The following ERICH6B variants were observed in gnomAD, a reference collection of about 807,000 sequenced individuals.
The protein encoded by ERICH6B is glutamate-rich protein 6B.
A neutral mutation model predicts 80.0 loss-of-function variants in ERICH6B; 69 were observed. The ratio of observed to expected loss-of-function variants is 0.86; its 90% CI spans 0.71 to 1.05. The LOEUF is 1.05. Among genes scored for constraint, ERICH6B ranks in the 50% least tolerant of loss-of-function variants. The pLI is 0.00. For missense variants in ERICH6B, 754 were observed against 796.1 expected (o/e 0.95, Z 0.64); for synonymous variants, 283 against 291.9 (o/e 0.97, Z 0.31).
At position 45,572,309 on chromosome 13, in the gene ERICH6B, A is replaced by G. The variant is rs142478450; in HGVS notation, c.1050+2533T>C. ...GCTTTCCCATGTGTTCATCTGTACCACTACATATTACTAATCTTCCTGCCC... is the reference window on the plus strand; with the variant it reads ...GCTTTCCCATGTGTTCATCTGTACCGCTACATATTACTAATCTTCCTGCCC... On this transcript the variant is annotated intron_variant, in intron 8 of 14. Coordinates refer to ENST00000298738, the MANE Select transcript of ERICH6B (RefSeq NM_182542.3). 7.4e-3 allele frequency among the ~76,000 whole-genome samples: 1,131 copies of G among 152,262 alleles called. 14 individuals carry two copies. The highest frequency in any genetic ancestry group is 0.025 in the African/African-American group (1,053 of 41,532).
chr13:45,543,884 C>T (rs1445129483), intron 14 of ERICH6B, among the ~76,000 whole-genome samples: 3 of 152,088 alleles, frequency 2.0e-5, no homozygotes, highest in Non-Finnish European at 2.9e-5. Flanking sequence ...GACACAGACT[C>T]CCCCTTGTTT....
At chr13:45,607,098 C>A (rs952340858) in intron 2 of ERICH6B, among the ~76,000 whole-genome samples, 2 of 152,140 alleles carry the variant, frequency 1.3e-5, no homozygotes, top group Admixed American at 6.5e-5. Flanking sequence ...AGTATTTCTG[C>A]AGCAAACATG....
At chr13:45,573,774 A>G (rs1181539722) in intron 8 of ERICH6B, among the ~76,000 whole-genome samples, 1 of 152,218 alleles carries the variant, frequency 6.6e-6, no homozygotes, top group East Asian at 1.9e-4. Context: ...GCCACCTGAT[A>G]TAGCAAAACA....
chr13:45,615,565 A>G (rs139266566), intron 1 of ERICH6B, 120 bp downstream of exon 1: 1 of 152,382 alleles, frequency 6.6e-6, no homozygotes, highest in Non-Finnish European at 1.5e-5. Context: ...CAGATCCTCC[A>G]CTCTGCTCCC....
rs34244794 is a variant in ERICH6B, at chr13:45,577,276, C to CTTTT, written c.962-2350_962-2347dup. ...TCTCCTGGACTGATTAAAAACAAATCTTTTTTTTTTTTTTTTTTTTTTTTT... is the reference window on the plus strand; with the variant it reads ...TCTCCTGGACTGATTAAAAACAAATCTTTTTTTTTTTTTTTTTTTTTTTTTTTTT... On this transcript the variant is annotated intron_variant, in intron 7 of 14. Coordinates refer to ENST00000298738, the MANE Select transcript of ERICH6B (RefSeq NM_182542.3). 6.4e-4 allele frequency among the ~76,000 whole-genome samples: 55 copies of CTTTT among 86,090 alleles called. 2 individuals are homozygous for CTTTT. The highest frequency in any genetic ancestry group is 2.4e-3 in the East Asian group (5 of 2,078). 56.5% of individuals were successfully genotyped at this position (86,090 alleles called of 152,430 possible). A position where few individuals can be genotyped will look rare whatever the true frequency, so the allele number is the denominator to read the frequency against.
At chr13:45,575,557 T>C (rs375476842) in intron 7 of ERICH6B, among the ~76,000 whole-genome samples, 1 of 152,150 alleles carries the variant, frequency 6.6e-6, no homozygotes, top group Non-Finnish European at 1.5e-5. Context: ...CCGAGTGTGA[T>C]TTTCACTTGG....
At chr13:45,587,286 A>G in intron 4 of ERICH6B, 54 bp from the exon 5 acceptor site, 3 of 1,516,998 alleles carry the variant, frequency 2.0e-6, no homozygotes, top group South Asian at 2.5e-5. Flanking sequence ...CAGGTCAGGA[A>G]CCCCTTCTAA....
At chr13:45,581,459 C>T (rs1207874686) in intron 5 of ERICH6B, among the ~76,000 whole-genome samples, 1 of 152,172 alleles carries the variant, frequency 6.6e-6, no homozygotes, top group Non-Finnish European at 1.5e-5. Context: ...TTACTGCAAC[C>T]TCCGCCTCCC....
Position 45,587,184 on chromosome 13 carries a change from C to T in ERICH6B, c.735G>A (p.Pro245=), listed in dbSNP as rs190948637. 34 of 1,551,608 alleles carry T rather than the reference C, an allele frequency of 2.2e-5. No individual in the cohort carries two copies. Among genetic ancestry groups the T allele is most frequent in the Admixed American group, 1.4e-4 (7 of 51,006 alleles). ...CAGGAGAAGGGGTAGCGAAAGTCAA[C>T]GGGACAGTCAAGAAGGTGGTCACCT... ...PSQVTTFLTV[P]LTFATPSPVS... is the part of the protein sequence containing the mutation. Residue 245 remains proline, a synonymous_variant, in exon 5 of 15, where the codon CCG becomes CCA. Transcript: ENST00000298738.
At chr13:45,585,998 C>T (rs987948540) in intron 5 of ERICH6B, among the ~76,000 whole-genome samples, 8 of 152,266 alleles carry the variant, frequency 5.3e-5, no homozygotes, top group African/African-American at 1.9e-4. Context: ...TGGCACTTGA[C>T]TGGCAATTAC....
chr13:45,598,632 A>T (rs1876502841), intron 2 of ERICH6B, among the ~76,000 whole-genome samples: 1 of 152,164 alleles, frequency 6.6e-6, no homozygotes, highest in Non-Finnish European at 1.5e-5. Flanking sequence ...GGCAAATGGC[A>T]CATTTACCCA....
chr13:45,573,932 T>C (rs921373090), intron 8 of ERICH6B, among the ~76,000 whole-genome samples: 2 of 152,254 alleles, frequency 1.3e-5, no homozygotes, highest in Non-Finnish European at 2.9e-5. Context: ...AATCTAAATT[T>C]ATGTCATTTT....
At chr13:45,559,288 C>T (rs929434619) in intron 11 of ERICH6B, among the ~76,000 whole-genome samples, 1 of 152,052 alleles carries the variant, frequency 6.6e-6, no homozygotes, top group South Asian at 2.1e-4. Flanking sequence ...TTTGGATTTT[C>T]TCTCTTCTTT....
chr13:45,543,545 A>G (rs1436273055), intron 14 of ERICH6B, among the ~76,000 whole-genome samples: 2 of 152,176 alleles, frequency 1.3e-5, no homozygotes, highest in East Asian at 3.9e-4. Flanking sequence ...GTGGAGGCAG[A>G]CACTGGAGTG....
At chr13:45,545,920 A>G (rs747769476) in intron 13 of ERICH6B, among the ~76,000 whole-genome samples, 9 of 152,192 alleles carry the variant, frequency 5.9e-5, no homozygotes, top group Non-Finnish European at 1.3e-4. Context: ...ATATGTATGT[A>G]TTTCCCCTAG....
intron 6 of ERICH6B, 64 bp downstream of exon 6, chr13:45,580,539 T>G (rs1416596409): frequency 6.6e-7 from 1 of 1,517,498 alleles, no homozygotes; most frequent in Non-Finnish European, 9.0e-7. Flanking sequence ...ATTCTGTGCT[T>G]CTTACCTTCT....
intron 9 of ERICH6B, among the ~76,000 whole-genome samples, chr13:45,566,539 G>A (rs904815242): frequency 1.3e-5 from 2 of 152,240 alleles, no homozygotes; most frequent in African/African-American, 4.8e-5. Flanking sequence ...TAGCTGAAAG[G>A]GGCCAACATA....
intron 3 of ERICH6B, among the ~76,000 whole-genome samples, chr13:45,591,779 G>T (rs1454274634): frequency 2.0e-5 from 3 of 152,118 alleles, no homozygotes; most frequent in Non-Finnish European, 4.4e-5. Context: ...AACAATGGCG[G>T]CAGAGAGACA....
chr13:45,542,547 C>T lies in ERICH6B; in HGVS notation c.1873-867G>A, dbSNP rs532760457. ...TCCCCGGGACTCTAGCTCTCCAAGG[C>T]GTCAGGCCCCCTGGTCTCTCTGCCC... On this transcript the variant is annotated intron_variant, in intron 14 of 14. Coordinates refer to ENST00000298738, the MANE Select transcript of ERICH6B (RefSeq NM_182542.3). Among the ~76,000 whole-genome samples the T allele has an allele frequency of 9.8e-5, 15 of 152,304 alleles. No homozygotes were observed. The South Asian group carries it at 2.5e-3, about 25-fold the overall frequency.
Sources: allele counts gnomAD v4.1 joint callset (sites outside exome capture counted in the v4.1 genomes callset), GRCh38; gene constraint gnomAD v4.1.1; transcripts MANE v1.5; gene names NCBI Gene and HGNC (gene_info 2026-07-23, HGNC 2026-07-21).